The following CCDC91 variants were observed in gnomAD, a reference collection of about 807,000 sequenced individuals.
The protein encoded by CCDC91 is coiled-coil domain containing 91, also known as coiled-coil domain-containing protein 91.
A neutral mutation model predicts 63.2 loss-of-function variants in CCDC91; 48 were observed. The ratio of observed to expected loss-of-function variants is 0.76; its 90% CI spans 0.60 to 0.97. The LOEUF (loss-of-function observed/expected upper bound fraction) is 0.97, where lower values mean the gene tolerates loss of function less well. Ranked by LOEUF, CCDC91 falls within the 50% of genes least tolerant of loss-of-function variation. CCDC91 has a pLI of 0.00. For synonymous variants in CCDC91, 167 were observed against 165.8 expected (o/e 1.01, Z -0.06); for missense variants, 500 against 494.6 (o/e 1.01, Z -0.10).
chr12:28,473,140 A>T (rs1049701165), intron 11 of CCDC91, among the ~76,000 whole-genome samples: 17 of 152,284 alleles, frequency 1.1e-4, no homozygotes, highest in African/African-American at 4.1e-4. Flanking sequence ...CTAATGTCTT[A>T]AGCTATTCAT....
At chr12:28,447,601 AGCACTTTGGG>A (rs1429497036) in intron 8 of CCDC91, among the ~76,000 whole-genome samples, 2 of 149,746 alleles carry the variant, frequency 1.3e-5, no homozygotes, top group Non-Finnish European at 3.0e-5. Flanking sequence ...CTGTAATCCC[AGCACTTTGGG>A]AAGCTAAGGT....
intron 6 of CCDC91, among the ~76,000 whole-genome samples, chr12:28,345,513 C>T (rs1942746899): frequency 6.6e-6 from 1 of 151,806 alleles, no homozygotes; most frequent in South Asian, 2.1e-4. Flanking sequence ...TATTTATTCA[C>T]TTACTATCTA....
At chr12:28,372,801 C>A (rs1270264261) in intron 7 of CCDC91, among the ~76,000 whole-genome samples, 3 of 152,078 alleles carry the variant, frequency 2.0e-5, no homozygotes, top group Admixed American at 2.0e-4. Flanking sequence ...TTCCTGTTTT[C>A]CAATTTAGAT....
At chr12:28,349,273 T>C (rs1183610047) in intron 6 of CCDC91, among the ~76,000 whole-genome samples, 2 of 152,262 alleles carry the variant, frequency 1.3e-5, no homozygotes, top group East Asian at 3.9e-4. Flanking sequence ...AGAAGCTTTC[T>C]CTAAATGTTT....
chr12:28,322,457 C>T (rs1940601793), intron 6 of CCDC91, among the ~76,000 whole-genome samples: 1 of 151,760 alleles, frequency 6.6e-6, no homozygotes, highest in Admixed American at 6.6e-5. Context: ...ACCTTTCTTC[C>T]CTATCATTTT....
At chr12:28,300,734 A>G (rs532671625) in intron 3 of CCDC91, among the ~76,000 whole-genome samples, 11 of 151,578 alleles carry the variant, frequency 7.3e-5, no homozygotes, top group Non-Finnish European at 1.5e-4. Context: ...TAGATGTTCT[A>G]TCCTATTACA....
chr12:28,518,383 T>C (rs1236131471), intron 12 of CCDC91, among the ~76,000 whole-genome samples: 1 of 151,974 alleles, frequency 6.6e-6, no homozygotes, highest in Non-Finnish European at 1.5e-5. Flanking sequence ...TGATCATTAG[T>C]GATGTTGAGC....
intron 8 of CCDC91, among the ~76,000 whole-genome samples, chr12:28,431,820 A>G (rs1389432352): frequency 2.0e-5 from 3 of 152,036 alleles, no homozygotes; most frequent in Non-Finnish European, 4.4e-5. Flanking sequence ...GTGTAATGAC[A>G]TATATCCAAT....
chr12:28,500,321 T>G (rs547886348), intron 12 of CCDC91, among the ~76,000 whole-genome samples: 1 of 152,228 alleles, frequency 6.6e-6, no homozygotes, highest in African/African-American at 2.4e-5. Context: ...ATAGTTTCTT[T>G]TGCTGTGCAG....
intron 6 of CCDC91, among the ~76,000 whole-genome samples, chr12:28,324,020 C>A (rs770887477): frequency 6.6e-6 from 1 of 151,780 alleles, no homozygotes; most frequent in Non-Finnish European, 1.5e-5. Context: ...ATATTTCTTG[C>A]AGTTGATATG....
At chr12:28,310,994 A>G (rs1339440956) in intron 6 of CCDC91, among the ~76,000 whole-genome samples, 2 of 151,872 alleles carry the variant, frequency 1.3e-5, no homozygotes, top group Admixed American at 6.6e-5. Flanking sequence ...TTTATCCTGC[A>G]TATTTTGGGT....
At chr12:28,346,671 A>G (rs1336092488) in intron 6 of CCDC91, among the ~76,000 whole-genome samples, 1 of 152,228 alleles carries the variant, frequency 6.6e-6, no homozygotes, top group African/African-American at 2.4e-5. Flanking sequence ...AGGTATGGGA[A>G]AAGGGCATGG....
intron 8 of CCDC91, among the ~76,000 whole-genome samples, chr12:28,405,038 A>G (rs147939752): frequency 5.3e-5 from 8 of 151,960 alleles, no homozygotes; most frequent in East Asian, 1.9e-4. Context: ...CATTTCCACC[A>G]TATTTGTTAT....
At chr12:28,466,906 A>T (rs1482107649) in intron 11 of CCDC91, among the ~76,000 whole-genome samples, 1 of 152,166 alleles carries the variant, frequency 6.6e-6, no homozygotes, top group African/African-American at 2.4e-5. Flanking sequence ...GACTACAAGA[A>T]GTTTTCAAGA....
intron 3 of CCDC91, among the ~76,000 whole-genome samples, chr12:28,272,455 T>A (rs528439618): frequency 4.1e-5 from 6 of 146,856 alleles, no homozygotes; most frequent in African/African-American, 1.5e-4. Flanking sequence ...AAACTCTCTC[T>A]ACTATGTCCA....
At chr12:28,392,688 C>G (rs1339699184) in intron 8 of CCDC91, among the ~76,000 whole-genome samples, 1 of 152,202 alleles carries the variant, frequency 6.6e-6, no homozygotes, top group Non-Finnish European at 1.5e-5. Flanking sequence ...TAGTCAAAGT[C>G]TCTATCTCAC....
intron 3 of CCDC91, among the ~76,000 whole-genome samples, chr12:28,295,642 C>T (rs896005064): frequency 1.2e-4 from 18 of 152,032 alleles, no homozygotes; most frequent in Non-Finnish European, 2.1e-4. Context: ...TGCTACTCTA[C>T]GATTGTATTT....
intron 12 of CCDC91, among the ~76,000 whole-genome samples, chr12:28,545,332 T>A (rs1436442650): frequency 6.6e-6 from 1 of 152,100 alleles, no homozygotes; most frequent in Non-Finnish European, 1.5e-5. Context: ...AGGTCATGCC[T>A]AATAAAACAG....
intron 3 of CCDC91, among the ~76,000 whole-genome samples, chr12:28,275,005 C>G (rs150175265): frequency 6.6e-6 from 1 of 151,750 alleles, no homozygotes; most frequent in African/African-American, 2.4e-5. Context: ...TAAATGCCCA[C>G]GAGAGAAAGC....
Sources: gnomAD v4.1 joint callset for allele counts (sites outside exome capture counted in the v4.1 genomes callset) on GRCh38, gnomAD v4.1.1 for gene constraint, MANE v1.5 for transcripts, NCBI Gene and HGNC (gene_info 2026-07-23, HGNC 2026-07-21) for gene names.